Variants in THRB observed in about 807,000 individuals in gnomAD.
THRB encodes the protein thyroid hormone receptor beta, also known as nuclear receptor subfamily 1 group A member 2.
In THRB, 12 loss-of-function variants were observed where a neutral mutation model predicts 47.8. The ratio of observed to expected loss-of-function variants is 0.25; its 90% CI spans 0.16 to 0.41. The LOEUF is 0.41. THRB is among the 10% of genes least tolerant of loss of function. THRB has a pLI of 1.00. For synonymous variants in THRB, 218 were observed against 212.2 expected (o/e 1.03, Z -0.24); for missense variants, 348 against 589.2 (o/e 0.59, Z 4.24).
In THRB at chr3:24,391,999, C is replaced by T. The variant is rs569527191; in HGVS notation, c.-260-54628G>A. ...CTCACAATCTGGCTCCAAAGCAACG[C>T]TACTTTCTTCTGTGTTCTACTGCCC... is the stretch of plus-strand genomic sequence containing the variant. On this transcript the variant is annotated intron_variant, in intron 1 of 10. Transcript: ENST00000646209. 2.0e-5 allele frequency among the ~76,000 whole-genome samples: 3 copies of T among 152,250 alleles called. No homozygotes were observed. In the East Asian group the frequency reaches 5.8e-4, roughly 29 times the overall value.
At position 24,209,806 on chromosome 3, in the gene THRB, T is replaced by C. The variant is rs1376904845; in HGVS notation, c.22+19132A>G. Among the ~76,000 whole-genome samples the C allele has an allele frequency of 2.0e-5, 3 of 152,102 alleles. No individual in the cohort carries two copies. The South Asian group carries it at 6.2e-4, about 31-fold the overall frequency. On this transcript the variant is annotated intron_variant, in intron 4 of 10. Coordinates refer to ENST00000646209, the MANE Select transcript of THRB (RefSeq NM_001354712.2). ...AACTGCACATTGTGCACATGTACCC[T>C]AGAACTTAAAATATTAAAAAAAAAT...
intron 4 of THRB, among the ~76,000 whole-genome samples, chr3:24,198,300 A>G (rs2044197494): frequency 6.6e-6 from 1 of 152,234 alleles, no homozygotes; most frequent in African/African-American, 2.4e-5. Context: ...ACTACATTCA[A>G]GAATTGCTAT....
chr3:24,319,644 T>A (rs191646407), intron 2 of THRB, among the ~76,000 whole-genome samples: 1 of 152,328 alleles, frequency 6.6e-6, no homozygotes, highest in East Asian at 1.9e-4. Flanking sequence ...CAAGTGGTAG[T>A]TACATGGGTA....
intron 1 of THRB, among the ~76,000 whole-genome samples, chr3:24,474,216 C>T (rs1032567670): frequency 3.9e-5 from 6 of 152,002 alleles, no homozygotes; most frequent in African/African-American, 1.5e-4. Context: ...AACAATTTTC[C>T]TGGTTAACTG....
intron 2 of THRB, among the ~76,000 whole-genome samples, chr3:24,298,545 G>A (rs1189114644): frequency 6.6e-6 from 1 of 152,308 alleles, no homozygotes; most frequent in African/African-American, 2.4e-5. Flanking sequence ...AGAAGAAAAC[G>A]AGGCCAGGAA....
intron 3 of THRB, among the ~76,000 whole-genome samples, chr3:24,264,888 C>G (rs1018488656): frequency 1.3e-5 from 2 of 151,926 alleles, no homozygotes; most frequent in African/African-American, 4.8e-5. Context: ...GCCCCAGAAC[C>G]GTAGGTGGGT....
At chr3:24,158,071 A>G (rs984055843) in intron 5 of THRB, among the ~76,000 whole-genome samples, 1 of 152,250 alleles carries the variant, frequency 6.6e-6, no homozygotes, top group African/African-American at 2.4e-5. Context: ...GGCAGTCTAC[A>G]ACATTTGGCT....
chr3:24,370,010 A>G (rs1023482475), intron 1 of THRB, among the ~76,000 whole-genome samples: 5 of 152,154 alleles, frequency 3.3e-5, no homozygotes, highest in African/African-American at 1.2e-4. Context: ...TGTGTTTATT[A>G]AAAGATAAGT....
intron 3 of THRB, among the ~76,000 whole-genome samples, chr3:24,279,567 T>TC (rs2054315861): frequency 6.6e-6 from 1 of 150,740 alleles, no homozygotes; most frequent in Non-Finnish European, 1.5e-5. Context: ...TTGTATTTTT[T>TC]TTTTTTTTTA....
At chr3:24,433,071 T>C (rs1471657265) in intron 1 of THRB, among the ~76,000 whole-genome samples, 1 of 152,144 alleles carries the variant, frequency 6.6e-6, no homozygotes, top group Non-Finnish European at 1.5e-5. Flanking sequence ...AGATAAAGAA[T>C]GAATGACTCT....
intron 1 of THRB, among the ~76,000 whole-genome samples, chr3:24,397,777 G>A (rs763632493): frequency 1.3e-5 from 2 of 151,778 alleles, no homozygotes; most frequent in Non-Finnish European, 1.5e-5. Context: ...TAGAGACGGG[G>A]TTTCACTATG....
chr3:24,188,682 T>C (rs1424843701), intron 5 of THRB, among the ~76,000 whole-genome samples: 1 of 152,006 alleles, frequency 6.6e-6, no homozygotes, highest in Non-Finnish European at 1.5e-5. Context: ...AATGTTGAGA[T>C]ACAATCTGGC....
chr3:24,332,839 G>A (rs1023931514), intron 2 of THRB, among the ~76,000 whole-genome samples: 46 of 152,080 alleles, frequency 3.0e-4, no homozygotes, highest in Non-Finnish European at 6.3e-4. Context: ...GGCGGATCAC[G>A]AGGTCAGGAG....
intron 1 of THRB, among the ~76,000 whole-genome samples, chr3:24,381,024 A>G (rs1224070022): frequency 6.6e-6 from 1 of 151,470 alleles, no homozygotes; most frequent in East Asian, 1.9e-4. Context: ...CTGAGGCAGG[A>G]GAATTGCTTG....
intron 1 of THRB, among the ~76,000 whole-genome samples, chr3:24,367,250 TG>T (rs1376538017): frequency 6.6e-6 from 1 of 152,158 alleles, no homozygotes; most frequent in Non-Finnish European, 1.5e-5. Flanking sequence ...CATTTGTACA[TG>T]GCAAGAGATC....
chr3:24,211,417 C>A (rs1054961783), intron 4 of THRB, among the ~76,000 whole-genome samples: 1 of 152,146 alleles, frequency 6.6e-6, no homozygotes, highest in African/African-American at 2.4e-5. Context: ...ACCTTACTTT[C>A]ATTTCCCTTC....
At chr3:24,371,680 T>C (rs1004580132) in intron 1 of THRB, among the ~76,000 whole-genome samples, 1 of 152,102 alleles carries the variant, frequency 6.6e-6, no homozygotes, top group Admixed American at 6.6e-5. Flanking sequence ...TGTGTTGTCA[T>C]AGAATACTAG....
At position 24,135,846 on chromosome 3, in the gene THRB, T is replaced by TATATATATATATATATAA. The variant is rs1231598841; in HGVS notation, c.739-2385_739-2384insTTATATATATATATATAT. Among the ~76,000 whole-genome samples, 293 of 121,072 alleles carry TATATATATATATATATAA rather than the reference T, an allele frequency of 2.4e-3. 3 individuals are homozygous for TATATATATATATATATAA. Among genetic ancestry groups the TATATATATATATATATAA allele is most frequent in the African/African-American group, 8.6e-3 (263 of 30,482 alleles). The allele number at this position is 121,072 out of a possible 152,430, so 79.4% of individuals were successfully genotyped here. A position where few individuals can be genotyped will look rare whatever the true frequency, so the allele number is the denominator to read the frequency against. ...ATATATATATATATATATATATATA[T>TATATATATATATATATAA]AATACATAAATATATATTAATTACA... On this transcript the variant is annotated intron_variant, in intron 8 of 10. Coordinates refer to ENST00000646209, the MANE Select transcript of THRB (RefSeq NM_001354712.2).
intron 3 of THRB, among the ~76,000 whole-genome samples, chr3:24,254,199 T>TAAAA (rs57275069): frequency 1.2e-4 from 4 of 34,584 alleles, no homozygotes; most frequent in African/African-American, 2.2e-4. Context: ...CTGTCTCTAC[T>TAAAA]AAAAAAAAAA....
Sources: gnomAD v4.1 joint callset for allele counts (sites outside exome capture counted in the v4.1 genomes callset) on GRCh38, gnomAD v4.1.1 for gene constraint, MANE v1.5 for transcripts, NCBI Gene and HGNC (gene_info 2026-07-23, HGNC 2026-07-21) for gene names.